Variants in TFAP2A observed in about 807,000 individuals in gnomAD.
The protein encoded by TFAP2A is transcription factor AP-2 alpha.
A neutral mutation model predicts 41.5 loss-of-function variants in TFAP2A; 7 were observed. The observed-to-expected ratio is 0.17, with a 90% CI of 0.10 to 0.32. The LOEUF is 0.32. Among genes scored for constraint, TFAP2A ranks in the 10% least tolerant of loss-of-function variants. TFAP2A has a pLI of 1.00. For synonymous variants in TFAP2A, 247 were observed against 242.8 expected, an observed-to-expected ratio of 1.02 and a Z score of -0.16; for missense variants, 416 against 563.3, an observed-to-expected ratio of 0.74 and a Z score of 2.65.
chr6:10,415,118 G>T, upstream of TFAP2A: 1 of 1,582,244 alleles, frequency 6.3e-7, no homozygotes. Context: ...AGGAGGTGGA[G>T]GAGGAGAAGG....
Position 10,398,813 on chromosome 6 carries a change from C to G in TFAP2A, c.1032-108G>C. ...GCAGCTACCTCTGCCGGGATCCAGCCGGTACCTGACATGACCCAAGACCCC... is the reference window on the plus strand; with the variant it reads ...GCAGCTACCTCTGCCGGGATCCAGCGGGTACCTGACATGACCCAAGACCCC... On this transcript the variant is annotated intron_variant, in intron 6 of 6. Coordinates refer to ENST00000379613, the MANE Select transcript of TFAP2A (RefSeq NM_001372066.1). This position sits in a 1 kb window ranked among gnomAD's most constrained non-coding sequence, Gnocchi z 5.3. The G allele has an allele frequency of 7.4e-7, 1 of 1,344,260 alleles. No individual in the cohort carries two copies. The allele number at this position is 1,344,260 out of a possible 1,614,324, so 83.3% of individuals were successfully genotyped here.
intron 5 of TFAP2A, chr6:10,400,826 C>T: frequency 1.5e-6 from 1 of 676,066 alleles, no homozygotes; most frequent in Non-Finnish European, 2.7e-6. Flanking sequence ...ATGAAAATCT[C>T]ATCCACCAAC....
chr6:10,409,828 T>G, intron 2 of TFAP2A, 73 bp downstream of exon 2: 1 of 1,508,748 alleles, frequency 6.6e-7, no homozygotes, highest in Non-Finnish European at 9.0e-7. Context: ...CGACTGTATG[T>G]TCCAGGTATC....
chr6:10,411,552 G>A, intron 1 of TFAP2A: 2 of 1,613,924 alleles, frequency 1.2e-6, no homozygotes, highest in South Asian at 1.1e-5. Flanking sequence ...CAGCAACGGG[G>A]GTGGGGATGG....
In TFAP2A at chr6:10,404,695, T is replaced by C. The variant is rs772810778; in HGVS notation, c.583A>G (p.Ile195Val). The change falls in exon 4 of 7, where the codon ATC becomes GTC. Residue 195 changes from isoleucine to valine, a missense_variant. By Grantham distance (29) the Ile-to-Val change is conservative (BLOSUM62 3). Around this residue, in one of 3 missense-constraint regions of TFAP2A, gnomAD observed 241 missense variants for 274.1 expected, o/e 0.88. Coordinates refer to ENST00000379613, the MANE Select transcript of TFAP2A (RefSeq NM_001372066.1). Reference protein sequence around the residue: ...SKSNSNAVSAIPINKDNLFGG... With the variant: ...SKSNSNAVSAVPINKDNLFGG... The stretch of plus-strand genomic sequence containing the variant: ...AAGAGGTTGTCCTTGTTAATAGGGA[T>C]GGCGGAGACGGCATTGCTGTTGGAC... 6.8e-6 allele frequency: 11 copies of C among 1,614,098 alleles called. No homozygotes were observed. The highest frequency in any genetic ancestry group is 9.3e-6 in the Non-Finnish European group (11 of 1,180,000).
At chr6:10,402,873 AAAG>A (rs1762062836) in intron 4 of TFAP2A, among the ~76,000 whole-genome samples, 3 of 152,344 alleles carry the variant, frequency 2.0e-5, no homozygotes, top group Middle Eastern at 3.4e-3. Context: ...CCAACTCTCT[AAAG>A]AAGAACCACA....
chr6:10,413,050 C>G (rs1758069237), intron 1 of TFAP2A, among the ~76,000 whole-genome samples: 1 of 152,158 alleles, frequency 6.6e-6, no homozygotes, highest in South Asian at 2.1e-4. Context: ...TCCCGCCTGA[C>G]GCCCCCCCAG....
intron 1 of TFAP2A, chr6:10,411,968 G>C (rs1472429383): frequency 9.1e-6 from 10 of 1,093,286 alleles, no homozygotes; most frequent in African/African-American, 1.7e-5. Context: ...TCTTAGCGGC[G>C]GCTTCGCTTG....
chr6:10,405,703 C>T (rs985176798), intron 3 of TFAP2A: 1 of 152,180 alleles, frequency 6.6e-6, no homozygotes, highest in Non-Finnish European at 1.5e-5. Flanking sequence ...TTTTAAAATT[C>T]CATTTGGAGA....
At chr6:10,416,147 C>G (rs1758233985), upstream of TFAP2A, 1 of 152,212 alleles carries the variant, frequency 6.6e-6, no homozygotes, top group Admixed American at 6.5e-5. Flanking sequence ...GTGCGTGCAT[C>G]AAAATAAATC....
chr6:10,407,562 A>T (rs1448536378), intron 2 of TFAP2A: 2 of 146,588 alleles, frequency 1.4e-5, no homozygotes, highest in African/African-American at 5.1e-5. Flanking sequence ...TCAAAACGTG[A>T]TTAGAAAGTA....
chr6:10,411,937 A>AATCCGGGG, intron 1 of TFAP2A: 2 of 1,151,628 alleles, frequency 1.7e-6, no homozygotes, highest in South Asian at 4.5e-5. Context: ...CGTGTTCCTT[A>AATCCGGGG]ATCCGTGTCT....
intron 4 of TFAP2A, among the ~76,000 whole-genome samples, chr6:10,404,160 C>T (rs1757558657): frequency 6.6e-6 from 1 of 152,246 alleles, no homozygotes; most frequent in African/African-American, 2.4e-5. Flanking sequence ...CTGTACGGCG[C>T]CCCGCGGCTG....
chr6:10,402,538 C>T lies in TFAP2A; in HGVS notation c.843G>A (p.Gly281=). The T allele has an allele frequency of 6.2e-7, 1 of 1,614,176 alleles. No homozygotes were observed. The highest frequency in any genetic ancestry group is 8.5e-7 in the Non-Finnish European group (1 of 1,180,010). Residue 281 remains glycine, a synonymous_variant, in exon 5 of 7, where the codon GGG becomes GGA. Coordinates refer to ENST00000379613, the MANE Select transcript of TFAP2A (RefSeq NM_001372066.1). ...GGGTAACGTTGGCAGCTTTACGTCT[C>T]CCTGCAGGCAGATTTAATCCTATTT... is the stretch of plus-strand genomic sequence containing the variant. The part of the protein sequence containing the change: ...LDKIGLNLPA[G]RRKAANVTLL...
intron 4 of TFAP2A, 131 bp downstream of exon 4, chr6:10,404,377 G>C: frequency 9.1e-6 from 2 of 220,654 alleles, no homozygotes; most frequent in Non-Finnish European, 1.5e-5. Flanking sequence ...TCTTCTCCCC[G>C]CCCCCTTTCC....
chr6:10,405,631 G>T (rs1409687118), intron 3 of TFAP2A: 1 of 151,756 alleles, frequency 6.6e-6, no homozygotes, highest in Non-Finnish European at 1.5e-5. Context: ...AATGCATTAC[G>T]TTTCTCAGCA....
At chr6:10,410,684 G>C (rs945039252) in intron 1 of TFAP2A, among the ~76,000 whole-genome samples, 2 of 152,084 alleles carry the variant, frequency 1.3e-5, no homozygotes, top group African/African-American at 4.8e-5. Context: ...CAGCAGAAGC[G>C]GCCTTTTCTT....
chr6:10,409,753 C>G, intron 2 of TFAP2A, 148 bp downstream of exon 2: 1 of 976,652 alleles, frequency 1.0e-6, no homozygotes, highest in Non-Finnish European at 1.5e-6. Flanking sequence ...CTCAAAACGT[C>G]CCTCACTCTC....
rs146625828 is a variant in TFAP2A, at chr6:10,411,439, G to T, written c.52-1104C>A. 243 of 1,479,032 alleles carry T rather than the reference G, an allele frequency of 1.6e-4. 2 individuals carry two copies. The East Asian group carries it at 5.5e-3, about 33-fold the overall frequency. 91.6% of individuals were successfully genotyped at this position (1,479,032 alleles called of 1,614,324 possible). A position where few individuals can be genotyped will look rare whatever the true frequency, so the allele number is the denominator to read the frequency against. Reference sequence around the variant, plus strand: ...AGAGAAAGGCGGAAGGTGGGGTGGGGGATGCAAATGGAGAGGGTGTCCTGA... The same window carrying T: ...AGAGAAAGGCGGAAGGTGGGGTGGGTGATGCAAATGGAGAGGGTGTCCTGA... On this transcript the variant is annotated intron_variant, in intron 1 of 6. Transcript: ENST00000379613.
Sources: gnomAD v4.1 joint callset for allele counts (sites outside exome capture counted in the v4.1 genomes callset) on GRCh38, gnomAD v4.1.1 for gene constraint, gnomAD v4.1.1 regional missense constraint, Gnocchi (gnomAD v3.1) non-coding constraint, MANE v1.5 for transcripts, NCBI Gene and HGNC (gene_info 2026-07-23, HGNC 2026-07-21) for gene names.